The following NRG3 variants were observed in gnomAD, a reference collection of about 807,000 sequenced individuals.
The protein encoded by NRG3 is neuregulin 3, also known as pro-neuregulin-3, membrane-bound isoform.
Under a neutral mutation model 66.9 loss-of-function variants are expected in NRG3, and 31 were observed. The ratio of observed to expected loss-of-function variants is 0.46; its 90% CI spans 0.35 to 0.63. The LOEUF (loss-of-function observed/expected upper bound fraction) is 0.63, where lower values mean the gene tolerates loss of function less well. Ranked by LOEUF, NRG3 falls within the 20% of genes least tolerant of loss-of-function variation. The pLI, the probability that NRG3 is intolerant of heterozygous loss-of-function variation, is 0.00. For missense variants in NRG3, 910 were observed against 878.9 expected (o/e 1.04, Z -0.45); for synonymous variants, 393 against 359.4 (o/e 1.09, Z -1.06).
At chr10:82,935,343 A>G (rs1554845700) in intron 4 of NRG3, among the ~76,000 whole-genome samples, 1 of 152,156 alleles carries the variant, frequency 6.6e-6, no homozygotes, top group Non-Finnish European at 1.5e-5. Flanking sequence ...TTTTCCACAC[A>G]CCTTACAGAT....
At chr10:82,191,263 A>G (rs1184993414) in intron 1 of NRG3, among the ~76,000 whole-genome samples, 1 of 152,180 alleles carries the variant, frequency 6.6e-6, no homozygotes, top group African/African-American at 2.4e-5. Context: ...AAAATAGGGC[A>G]AAGTTCAGTT....
At chr10:82,414,432 A>T (rs1471711621) in intron 2 of NRG3, among the ~76,000 whole-genome samples, 1 of 152,172 alleles carries the variant, frequency 6.6e-6, no homozygotes, top group Non-Finnish European at 1.5e-5. Flanking sequence ...AGGATTACAG[A>T]TCATCATAAC....
At chr10:81,878,179 C>A in intron 1 of NRG3, 1 of 1,213,226 alleles carries the variant, frequency 8.2e-7, no homozygotes, top group Non-Finnish European at 1.1e-6. Flanking sequence ...TGATTATTGA[C>A]AGGGCCCTCA....
intron 1 of NRG3, among the ~76,000 whole-genome samples, chr10:82,346,901 C>T (rs1235909813): frequency 1.6e-4 from 25 of 151,880 alleles, no homozygotes; most frequent in Non-Finnish European, 2.5e-4. Context: ...TCTGTGGGAT[C>T]GGTGGTGATA....
At chr10:82,889,173 A>G (rs1257686049) in intron 4 of NRG3, among the ~76,000 whole-genome samples, 1 of 152,152 alleles carries the variant, frequency 6.6e-6, no homozygotes. Flanking sequence ...ACAATCAGGT[A>G]GAAGGCTACT....
intron 3 of NRG3, among the ~76,000 whole-genome samples, chr10:82,825,587 C>T (rs1484192704): frequency 1.3e-5 from 2 of 152,170 alleles, no homozygotes; most frequent in African/African-American, 4.8e-5. Context: ...TGTAGAACAT[C>T]CTTACTGGTT....
At chr10:82,159,450 G>A (rs755110705) in intron 1 of NRG3, among the ~76,000 whole-genome samples, 2 of 151,566 alleles carry the variant, frequency 1.3e-5, no homozygotes, top group African/African-American at 2.4e-5. Flanking sequence ...TCCATCTATT[G>A]GACTCATCCT....
chr10:82,901,921 C>T (rs973925572), intron 4 of NRG3, among the ~76,000 whole-genome samples: 1 of 152,242 alleles, frequency 6.6e-6, no homozygotes, highest in South Asian at 2.1e-4. Context: ...ATAAAGATTA[C>T]TCTTAATTTA....
intron 4 of NRG3, among the ~76,000 whole-genome samples, chr10:82,950,195 G>T (rs970784485): frequency 6.6e-6 from 1 of 152,180 alleles, no homozygotes; most frequent in Non-Finnish European, 1.5e-5. Flanking sequence ...ATTGTTCTAT[G>T]TTAATGACAC....
At chr10:82,718,390 C>T (rs1229136913) in intron 2 of NRG3, among the ~76,000 whole-genome samples, 1 of 152,178 alleles carries the variant, frequency 6.6e-6, no homozygotes, top group African/African-American at 2.4e-5. Flanking sequence ...ATTACCTATT[C>T]TTTGAGGTTC....
At chr10:82,514,586 G>T (rs1476331104) in intron 2 of NRG3, among the ~76,000 whole-genome samples, 5 of 151,742 alleles carry the variant, frequency 3.3e-5, no homozygotes, top group Admixed American at 6.6e-5. Flanking sequence ...TTTTTTGTTT[G>T]TTGTTTGTTT....
intron 3 of NRG3, among the ~76,000 whole-genome samples, chr10:82,743,450 C>A (rs1488068521): frequency 2.6e-5 from 4 of 152,088 alleles, no homozygotes; most frequent in Admixed American, 2.6e-4. Flanking sequence ...TGTGCCTCAG[C>A]TTTCCAGGAA....
At position 82,709,987 on chromosome 10, in the gene NRG3, A is replaced by G. The variant is rs112427751; in HGVS notation, c.954-28590A>G. On this transcript the variant is annotated intron_variant, in intron 2 of 8. Coordinates refer to ENST00000372141, the MANE Select transcript of NRG3 (RefSeq NM_001010848.4). ...TGCTGAAGAATTGTGCATCTTGGCC[A>G]AGAAGTAAATAGTCCATTCACTTTT... 5.0e-3 allele frequency among the ~76,000 whole-genome samples: 768 copies of G among 152,342 alleles called. 5 individuals carry two copies. Among genetic ancestry groups the G allele is most frequent in the African/African-American group, 0.018 (732 of 41,580 alleles).
chr10:82,984,315 T>C (rs1853226966), intron 8 of NRG3, among the ~76,000 whole-genome samples: 1 of 152,190 alleles, frequency 6.6e-6, no homozygotes, highest in Non-Finnish European at 1.5e-5. Flanking sequence ...TGTGATGGCA[T>C]ATTGGCATTC....
chr10:82,182,569 C>A lies in NRG3; in HGVS notation c.824-176170C>A, dbSNP rs142725429. Among the ~76,000 whole-genome samples, 525 of 151,912 alleles carry A rather than the reference C, an allele frequency of 3.5e-3. 5 individuals are homozygous for A. Among genetic ancestry groups the A allele is most frequent in the African/African-American group, 0.012 (494 of 41,488 alleles). ...ATGTTACTGATACCACAAATTACAT[C>A]TTTTTATGTTGTGTATCAAATAGTA... On this transcript the variant is annotated intron_variant, in intron 1 of 8. Coordinates refer to ENST00000372141, the MANE Select transcript of NRG3 (RefSeq NM_001010848.4).
At position 82,358,787 on chromosome 10, in the gene NRG3, G is replaced by A. The variant is rs768371489; in HGVS notation, c.872G>A (p.Arg291Gln). The A allele has an allele frequency of 7.4e-6, 12 of 1,614,016 alleles. No homozygotes were observed. Among genetic ancestry groups the A allele is most frequent in the Non-Finnish European group, 1.0e-5 (12 of 1,180,030 alleles). ...CGATCCGAGCACTTCAAACCCTGCC[G>A]AGACAAGGACCTTGCATACTGTCTC... ...TERSEHFKPC[R>Q]DKDLAYCLND... is the part of the protein sequence containing the mutation. The change falls in exon 2 of 9, where the codon CGA becomes CAA. Residue 291 changes from arginine (R) to glutamine (Q), a missense_variant. Physicochemically the swap from Arg to Gln is conservative, Grantham distance 43. Transcript: ENST00000372141.
chr10:81,931,578 C>T (rs965552964), intron 1 of NRG3, among the ~76,000 whole-genome samples: 8 of 152,112 alleles, frequency 5.3e-5, no homozygotes, highest in African/African-American at 1.9e-4. Flanking sequence ...TTCAGTCTTC[C>T]AGGGGCTCTT....
intron 4 of NRG3, among the ~76,000 whole-genome samples, chr10:82,907,811 G>A (rs1475214190): frequency 2.0e-5 from 3 of 152,180 alleles, no homozygotes; most frequent in African/African-American, 4.8e-5. Context: ...TGCAGCCCAT[G>A]TTTTGAGGAT....
chr10:82,231,310 T>C (rs1483108182), intron 1 of NRG3, among the ~76,000 whole-genome samples: 1 of 139,946 alleles, frequency 7.1e-6, no homozygotes, highest in Non-Finnish European at 1.6e-5. Context: ...GATTGTGCCA[T>C]TGCACTCCAG....
Sources: gnomAD v4.1 joint callset for allele counts (sites outside exome capture counted in the v4.1 genomes callset) on GRCh38, gnomAD v4.1.1 for gene constraint, MANE v1.5 for transcripts, NCBI Gene and HGNC (gene_info 2026-07-23, HGNC 2026-07-21) for gene names.